HK1: variants seen among roughly 807,000 people sequenced by gnomAD.
The protein encoded by HK1 is hexokinase-1.
In HK1, 28 loss-of-function variants were observed where a neutral mutation model predicts 91.6. The ratio of observed to expected loss-of-function variants is 0.31; its 90% CI spans 0.23 to 0.42. HK1 has a LOEUF of 0.42. Ranked by LOEUF, HK1 falls within the 10% of genes least tolerant of loss-of-function variation. The pLI is 1.00. For synonymous variants in HK1, 430 were observed against 468.1 expected (o/e 0.92, Z 1.05); for missense variants, 770 against 1,219.8 (o/e 0.63, Z 5.49).
At chr10:69,322,672 CCT>C (rs1476096847) in intron 1 of HK1, among the ~76,000 whole-genome samples, 3 of 151,832 alleles carry the variant, frequency 2.0e-5, no homozygotes, top group East Asian at 1.9e-4. Context: ...GGGTGGATCA[CCT>C]GAGGTCGGGA....
chr10:69,389,116 C>A, intron 13 of HK1, 81 bp from the exon 14 acceptor site: 2 of 1,007,530 alleles, frequency 2.0e-6, no homozygotes, highest in Non-Finnish European at 3.1e-6. Context: ...TCTCTGACTG[C>A]AGTGCAACAG....
At chr10:69,348,522 T>G (rs1011005377) in intron 2 of HK1, among the ~76,000 whole-genome samples, 2 of 152,076 alleles carry the variant, frequency 1.3e-5, no homozygotes, top group African/African-American at 4.8e-5. Flanking sequence ...CAGAATTAAT[T>G]CATTGAGGCT....
At chr10:69,292,492 G>T in intron 3 of HK1, 1 of 276,608 alleles carries the variant, frequency 3.6e-6, no homozygotes, top group Non-Finnish European at 7.3e-6. Context: ...ATGTCCATGG[G>T]CTGCTATGCA....
At chr10:69,306,816 G>A (rs528752421) in intron 5 of HK1, among the ~76,000 whole-genome samples, 6 of 152,184 alleles carry the variant, frequency 3.9e-5, no homozygotes, top group Non-Finnish European at 5.9e-5. Context: ...GAAGATATGT[G>A]GCCTACCTTT....
intron 1 of HK1, among the ~76,000 whole-genome samples, chr10:69,330,388 A>G (rs1412884235): frequency 6.6e-6 from 1 of 151,454 alleles, no homozygotes; most frequent in East Asian, 2.0e-4. Flanking sequence ...TGCATCTTAC[A>G]TATGGGGCAG....
chr10:69,302,058 C>CAA (rs1845900741), intron 5 of HK1, among the ~76,000 whole-genome samples: 1 of 151,838 alleles, frequency 6.6e-6, no homozygotes, highest in African/African-American at 2.4e-5. Flanking sequence ...CCAGCCTTGC[C>CAA]AACATGGTGA....
intron 2 of HK1, among the ~76,000 whole-genome samples, chr10:69,346,202 G>C (rs1366964381): frequency 1.3e-5 from 2 of 152,198 alleles, no homozygotes; most frequent in African/African-American, 4.8e-5. Flanking sequence ...CCATAGTGCT[G>C]TTCCCTTTTT....
intron 1 of HK1, among the ~76,000 whole-genome samples, chr10:69,273,210 A>G (rs1844265048): frequency 6.8e-6 from 1 of 147,586 alleles, no homozygotes; most frequent in Non-Finnish European, 1.5e-5. Flanking sequence ...TTGTATTTTT[A>G]TTTATTTATT....
intron 1 of HK1, among the ~76,000 whole-genome samples, chr10:69,321,423 G>A (rs892537106): frequency 1.3e-5 from 2 of 152,154 alleles, no homozygotes; most frequent in Non-Finnish European, 2.9e-5. Flanking sequence ...GTGAAGGTGC[G>A]GGACCCCCTG....
intron 17 of HK1, among the ~76,000 whole-genome samples, chr10:69,400,255 C>T (rs1020710390): frequency 5.2e-4 from 79 of 152,272 alleles, no homozygotes; most frequent in African/African-American, 1.6e-3. Flanking sequence ...CATGAGCCAC[C>T]GCACTCCGCC....
At chr10:69,312,264 G>A (rs994033618), upstream of HK1, among the ~76,000 whole-genome samples, 5 of 151,980 alleles carry the variant, frequency 3.3e-5, no homozygotes, top group African/African-American at 1.2e-4. Context: ...TGAGACAGAG[G>A]CTCACTCTGT....
At chr10:69,356,489 G>A (rs1339992291) in intron 2 of HK1, among the ~76,000 whole-genome samples, 3 of 152,066 alleles carry the variant, frequency 2.0e-5, no homozygotes, top group African/African-American at 7.2e-5. Flanking sequence ...ATAAAAAAAA[G>A]AAAAGACAAT....
chr10:69,294,352 T>G (rs1297408274), intron 3 of HK1, among the ~76,000 whole-genome samples: 1 of 152,172 alleles, frequency 6.6e-6, no homozygotes, highest in Admixed American at 6.5e-5. Context: ...TCAGCTATCA[T>G]CAGGAAAAAA....
In HK1 at chr10:69,397,121, G is replaced by A. The variant is rs1007245592; in HGVS notation, c.2376-1474G>A. ...TTGTGACAAATGCTGCTGTGAACAC[G>A]GGTGACCAGTATCTCCTTTCAGTTT... On this transcript the variant is annotated intron_variant, in intron 16 of 17. Transcript: ENST00000359426. Among the ~76,000 whole-genome samples the A allele has an allele frequency of 2.6e-5, 4 of 152,294 alleles. No individual in the cohort carries two copies. In the East Asian group the frequency reaches 5.8e-4, roughly 22 times the overall value.
intron 1 of HK1, among the ~76,000 whole-genome samples, chr10:69,276,118 A>AAATATATATATATATATATATATATAT: frequency 2.6e-5 from 1 of 38,262 alleles, no homozygotes; most frequent in African/African-American, 7.5e-5. Flanking sequence ...AAAAAAAAAA[A>AAATATATATATATATATATATATATAT]ATACATATAT....
intron 4 of HK1, among the ~76,000 whole-genome samples, chr10:69,366,689 G>A (rs991007068): frequency 2.6e-5 from 4 of 152,142 alleles, no homozygotes; most frequent in South Asian, 2.1e-4. Context: ...ATCTGAGAAC[G>A]CCCCTCCAAG....
intron 3 of HK1, among the ~76,000 whole-genome samples, chr10:69,290,580 C>G (rs1168749876): frequency 2.6e-5 from 4 of 152,192 alleles, no homozygotes; most frequent in Non-Finnish European, 5.9e-5. Flanking sequence ...CTCACTACAA[C>G]CTCTGCCTCC....
At chr10:69,385,438 A>G (rs1466580317) in intron 12 of HK1, among the ~76,000 whole-genome samples, 1 of 152,194 alleles carries the variant, frequency 6.6e-6, no homozygotes, top group East Asian at 1.9e-4. Flanking sequence ...GTCCTTTGGA[A>G]GGCCACAGTC....
At chr10:69,354,658 T>G (rs1287793471) in intron 2 of HK1, among the ~76,000 whole-genome samples, 3 of 151,794 alleles carry the variant, frequency 2.0e-5, no homozygotes, top group Non-Finnish European at 4.4e-5. Flanking sequence ...CTTGAATGAA[T>G]GAATGGACCA....
Sources: allele counts gnomAD v4.1 joint callset (sites outside exome capture counted in the v4.1 genomes callset), GRCh38; gene constraint gnomAD v4.1.1; transcripts MANE v1.5; gene names NCBI Gene and HGNC (gene_info 2026-07-23, HGNC 2026-07-21).